Variants in UBXN4 observed in about 807,000 individuals in gnomAD.
The protein encoded by UBXN4 is UBX domain protein 4.
In UBXN4, 35 loss-of-function variants were observed where a neutral mutation model predicts 66.2. The ratio of observed to expected loss-of-function variants is 0.53; its 90% CI spans 0.40 to 0.70. The LOEUF (loss-of-function observed/expected upper bound fraction) is 0.70. Among genes scored for constraint, UBXN4 ranks in the 30% least tolerant of loss-of-function variants. UBXN4 has a pLI of 0.00. For missense variants in UBXN4, 533 were observed against 599.8 expected (o/e 0.89, Z 1.16); for synonymous variants, 203 against 204.5 (o/e 0.99, Z 0.06).
intron 5 of UBXN4, among the ~76,000 whole-genome samples, chr2:135,758,009 A>G (rs760788391): frequency 2.0e-5 from 3 of 151,620 alleles, no homozygotes; most frequent in Non-Finnish European, 2.9e-5. Context: ...CTCCTGGCCC[A>G]CGTGATCTCC....
At chr2:135,758,791 C>A (rs1180882568) in intron 5 of UBXN4, among the ~76,000 whole-genome samples, 1 of 151,626 alleles carries the variant, frequency 6.6e-6, no homozygotes, top group East Asian at 1.9e-4. Flanking sequence ...CAGAGTCTCA[C>A]TTTGTTGGCC....
At chr2:135,742,971 A>G (rs765501871) in intron 1 of UBXN4, among the ~76,000 whole-genome samples, 10 of 152,094 alleles carry the variant, frequency 6.6e-5, no homozygotes, top group African/African-American at 2.2e-4. Flanking sequence ...CTCCTGTTTT[A>G]TTACTGAAAT....
intron 5 of UBXN4, among the ~76,000 whole-genome samples, chr2:135,761,500 T>G (rs1044888901): frequency 6.6e-6 from 1 of 152,200 alleles, no homozygotes; most frequent in African/African-American, 2.4e-5. Flanking sequence ...AGTATAGATA[T>G]TGGAGGGCAC....
At chr2:135,769,275 A>G (rs1264138528) in intron 6 of UBXN4, among the ~76,000 whole-genome samples, 1 of 151,624 alleles carries the variant, frequency 6.6e-6, no homozygotes, top group Non-Finnish European at 1.5e-5. Context: ...GATTACAGGC[A>G]TGAGCCACTG....
chr2:135,780,340 C>G lies in UBXN4; in HGVS notation c.1343C>G (p.Ser448Trp). 1 of 1,614,142 alleles carries G rather than the reference C, an allele frequency of 6.2e-7. No individual in the cohort carries two copies. Among genetic ancestry groups the G allele is most frequent in the Non-Finnish European group, 8.5e-7 (1 of 1,180,006 alleles). The change falls in exon 12 of 13, where the codon TCG becomes TGG. Residue 448 changes from serine (S) to tryptophan (W), a missense_variant. Coordinates refer to ENST00000272638, the MANE Select transcript of UBXN4 (RefSeq NM_014607.4). ...ACACAGACTTCAGTGAGAGTAACAT[C>G]GTCAGAACCCCCAAACCCTGCATCA... ...PPTQTSVRVT[S>W]SEPPNPASSS...
At chr2:135,782,373 G>A (rs2077455466) in intron 12 of UBXN4, among the ~76,000 whole-genome samples, 1 of 152,188 alleles carries the variant, frequency 6.6e-6, no homozygotes, top group Non-Finnish European at 1.5e-5. Context: ...CTGGAGCTTT[G>A]GATAGTCTCT....
chr2:135,741,919 C>G lies in UBXN4; in HGVS notation c.-11C>G. On this transcript the variant is annotated 5_prime_UTR_variant, in exon 1 of 13. Coordinates refer to ENST00000272638, the MANE Select transcript of UBXN4 (RefSeq NM_014607.4). ...TACACACCGAGCGAGCGCCTGGGCC[C>G]GAAGGGAGCGATGCTGTGGTTCCAG... 7 of 1,610,322 alleles carry G rather than the reference C, an allele frequency of 4.3e-6. No homozygotes were observed. The highest frequency in any genetic ancestry group is 1.1e-5 in the South Asian group (1 of 90,458).
At position 135,741,877 on chromosome 2, in the gene UBXN4, T is replaced by C. The variant is rs1310679491; in HGVS notation, c.-53T>C. On this transcript the variant is annotated 5_prime_UTR_variant, in exon 1 of 13. Transcript: ENST00000272638. ...GACGAAGACGGAGGGCGGAGCCGGC[T>C]TCGGGACTGCGGAGACTACACACCG... 2 of 1,566,094 alleles carry C rather than the reference T, an allele frequency of 1.3e-6. No homozygotes were observed. The highest frequency in any genetic ancestry group is 1.2e-5 in the South Asian group (1 of 86,334).
chr2:135,772,627 G>A (rs760398121), intron 9 of UBXN4, 80 bp downstream of exon 9: 28 of 1,553,048 alleles, frequency 1.8e-5, no homozygotes, highest in Non-Finnish European at 2.2e-5. Context: ...TAACACTGAT[G>A]TATACTGTGG....
rs947836306 is a variant in UBXN4 at position 135,761,830 on chromosome 2, C to T, written c.521C>T (p.Ala174Val). 27 of 1,610,136 alleles carry T rather than the reference C, an allele frequency of 1.7e-5. No homozygotes were observed. The highest frequency in any genetic ancestry group is 2.3e-5 in the Non-Finnish European group (27 of 1,178,652). ...TTTAATAATTAAGGAGGAGAAAGTG[C>T]AGGCCATGCCACTTCCTCTCAGGAG... ...KSDTATGGES[A>V]GHATSSQEPS... The change falls in exon 6 of 13, where the codon GCA becomes GTA. Residue 174 changes from alanine to valine, a missense_variant. This residue lies in a region of UBXN4 where 529 missense variants were observed against 580.1 expected (regional missense o/e 0.91). Coordinates refer to ENST00000272638, the MANE Select transcript of UBXN4 (RefSeq NM_014607.4).
rs760078661 is a variant in UBXN4 at position 135,780,227 on chromosome 2, C to T, written c.1230C>T (p.Asp410=). ...CCATTGTACACTCTTCCAGCGGAGA[C>T]ATTTGGACCTTGTTGGGAACAGTGC... ...TASIVHSSSG[D]IWTLLGTVLY... Residue 410 remains aspartate (D), a synonymous_variant, in exon 12 of 13, where the codon GAC becomes GAT. Coordinates refer to ENST00000272638, the MANE Select transcript of UBXN4 (RefSeq NM_014607.4). 6.2e-7 allele frequency: 1 copy of T among 1,614,108 alleles called. No individual in the cohort carries two copies. The highest frequency in any genetic ancestry group is 8.5e-7 in the Non-Finnish European group (1 of 1,180,022).
chr2:135,757,574 T>A (rs2077285943), intron 5 of UBXN4, among the ~76,000 whole-genome samples: 1 of 152,144 alleles, frequency 6.6e-6, no homozygotes, highest in African/African-American at 2.4e-5. Flanking sequence ...CCCTTTAGAA[T>A]GGGTCACATT....
chr2:135,776,178 C>A, intron 9 of UBXN4, 71 bp from the exon 10 acceptor site: 3 of 1,293,364 alleles, frequency 2.3e-6, no homozygotes, highest in South Asian at 1.3e-5. Context: ...CTTCCATTTT[C>A]TCTAACTTAA....
chr2:135,760,466 T>G (rs2077308488), intron 5 of UBXN4, among the ~76,000 whole-genome samples: 1 of 152,126 alleles, frequency 6.6e-6, no homozygotes, highest in Admixed American at 6.5e-5. Flanking sequence ...TTTTACATCT[T>G]CAAGTCATTT....
chr2:135,762,039 C>A, intron 6 of UBXN4, 128 bp downstream of exon 6: 1 of 901,950 alleles, frequency 1.1e-6, no homozygotes, highest in Non-Finnish European at 1.7e-6. Context: ...AATTTTTGAT[C>A]ACCTAACTAA....
chr2:135,770,006 G>T (rs541746921), intron 7 of UBXN4, among the ~76,000 whole-genome samples, 183 bp downstream of exon 7: 15 of 151,886 alleles, frequency 9.9e-5, no homozygotes, highest in Admixed American at 3.3e-4. Context: ...TGTTCTTTTC[G>T]TAAATTACTA....
In UBXN4 at chr2:135,755,457, C is replaced by T. The variant is rs1043745054; in HGVS notation, c.334-60C>T. ...AAATCAACCTGTATTTTGGTCTCTA[C>T]TGCCATGGTAAGTTTAGATTCTTAT... On this transcript the variant is annotated intron_variant, in intron 4 of 12. Transcript: ENST00000272638. The T allele has an allele frequency of 6.6e-6, 9 of 1,367,506 alleles. No individual in the cohort carries two copies. The African/African-American group carries it at 7.4e-5, about 11-fold the overall frequency. The allele number at this position is 1,367,506 out of a possible 1,614,324, so 84.7% of individuals were successfully genotyped here. A position where few individuals can be genotyped will look rare whatever the true frequency, so the allele number is the denominator to read the frequency against.
At chr2:135,766,306 T>G (rs190343799) in intron 6 of UBXN4, among the ~76,000 whole-genome samples, 117 of 152,308 alleles carry the variant, frequency 7.7e-4, no homozygotes, top group African/African-American at 1.1e-3. Flanking sequence ...ATAAATACGT[T>G]TATACACCAT....
chr2:135,742,327 C>G (rs1054749850), intron 1 of UBXN4, among the ~76,000 whole-genome samples: 1 of 152,174 alleles, frequency 6.6e-6, no homozygotes, highest in Non-Finnish European at 1.5e-5. Flanking sequence ...TACAGTGGGC[C>G]TGGCCCCACC....
Sources: gnomAD v4.1 joint callset for allele counts (sites outside exome capture counted in the v4.1 genomes callset) on GRCh38, gnomAD v4.1.1 for gene constraint, gnomAD v4.1.1 regional missense constraint, MANE v1.5 for transcripts, NCBI Gene and HGNC (gene_info 2026-07-23, HGNC 2026-07-21) for gene names.